PAPLN: variants seen among roughly 807,000 people sequenced by gnomAD.
PAPLN encodes papilin.
In PAPLN, 146 loss-of-function variants were observed where a neutral mutation model predicts 159.0. The observed-to-expected ratio is 0.92, with a 90% CI of 0.80 to 1.05. The LOEUF (loss-of-function observed/expected upper bound fraction) is 1.05. Ranked by LOEUF, PAPLN falls within the 50% of genes least tolerant of loss-of-function variation. The pLI, the probability that PAPLN is intolerant of heterozygous loss-of-function variation, is 0.00. For missense variants in PAPLN, 1,720 were observed against 1,743.9 expected, an observed-to-expected ratio of 0.99 and a Z score of 0.24; for synonymous variants, 734 against 702.9, an observed-to-expected ratio of 1.04 and a Z score of -0.70.
chr14:73,270,854 G>A (rs1238844586), intron 26 of PAPLN, among the ~76,000 whole-genome samples: 1 of 152,098 alleles, frequency 6.6e-6, no homozygotes, highest in Non-Finnish European at 1.5e-5. Flanking sequence ...TTCATTTTTT[G>A]TTGGGTCATA....
At position 73,254,598 on chromosome 14, in the gene PAPLN, G is replaced by C; in HGVS notation, c.1388G>C (p.Cys463Ser). 1 of 1,614,078 alleles carries C rather than the reference G, an allele frequency of 6.2e-7. No homozygotes were observed. The highest frequency in any genetic ancestry group is 8.5e-7 in the Non-Finnish European group (1 of 1,179,936). Residue 463 changes from cysteine (C) to serine (S), a missense_variant, in exon 13 of 27, where the codon TGC (cysteine) becomes TCC (serine). Transcript: ENST00000644200. ...ERGSLLHTAACSLEDRPPLTE... is the reference protein window; with the variant it reads ...ERGSLLHTAASSLEDRPPLTE... Reference sequence around the variant, plus strand: ...GGTTCTTTGCTCCATACCGCAGCGTGCTCCTTGGAAGACCGGCCACCTCTG... The same window carrying C: ...GGTTCTTTGCTCCATACCGCAGCGTCCTCCTTGGAAGACCGGCCACCTCTG...
intron 18 of PAPLN, 63 bp downstream of exon 18, chr14:73,261,357 C>CA: frequency 6.4e-7 from 1 of 1,568,816 alleles, no homozygotes; most frequent in African/African-American, 1.4e-5. Flanking sequence ...ATGCCTCCAG[C>CA]CCCCACCCAG....
chr14:73,249,807 GC>G, intron 5 of PAPLN, 176 bp from the exon 6 acceptor site: 1 of 522,638 alleles, frequency 1.9e-6, no homozygotes, highest in Non-Finnish European at 3.0e-6. Flanking sequence ...CCTTAGAGGT[GC>G]AACAGATTCA....
chr14:73,250,359 C>T (rs538691630), intron 6 of PAPLN, among the ~76,000 whole-genome samples: 5 of 152,304 alleles, frequency 3.3e-5, no homozygotes, highest in East Asian at 3.9e-4. Context: ...GGCAGAAATC[C>T]GGCTAAAACC....
At chr14:73,237,027 G>A (rs1417846785), upstream of PAPLN, among the ~76,000 whole-genome samples, 1 of 151,426 alleles carries the variant, frequency 6.6e-6, no homozygotes, top group Non-Finnish European at 1.5e-5. Flanking sequence ...CCAAGGTTTT[G>A]AGGGCTGACT....
In PAPLN at chr14:73,266,766, A is replaced by G; in HGVS notation, c.3435A>G (p.Pro1145=). The stretch of plus-strand genomic sequence containing the variant: ...GACTGCCCCCTACTGTGACAGTGCC[A>G]GAGGGTGATACGGCCAGGCTATTGT... ...ISGLPPTVTV[P]EGDTARLLCV... The change falls in exon 25 of 27, where the codon CCA becomes CCG. Residue 1145 remains proline, a synonymous_variant. Transcript: ENST00000644200. 6.2e-7 allele frequency: 1 copy of G among 1,614,014 alleles called. No homozygotes were observed. Among genetic ancestry groups the G allele is most frequent in the Non-Finnish European group, 8.5e-7 (1 of 1,179,948 alleles).
Position 73,254,831 on chromosome 14 carries a change from C to G in PAPLN, c.1486-46C>G, listed in dbSNP as rs1391741028. ...CTCTCTCCATGTGGGTCCCCGCCCCCAGCCTCGCCCTCAGCATCTCTCTCT... is the reference window on the plus strand; with the variant it reads ...CTCTCTCCATGTGGGTCCCCGCCCCGAGCCTCGCCCTCAGCATCTCTCTCT... On this transcript the variant is annotated intron_variant, in intron 13 of 26. Transcript: ENST00000644200. The G allele has an allele frequency of 4.4e-6, 7 of 1,603,952 alleles. No homozygotes were observed. The East Asian group carries it at 1.1e-4, about 26-fold the overall frequency.
At chr14:73,248,297 G>A (rs1338398657) in intron 5 of PAPLN, among the ~76,000 whole-genome samples, 1 of 151,084 alleles carries the variant, frequency 6.6e-6, no homozygotes, top group Non-Finnish European at 1.5e-5. Context: ...GGCTGTGGGC[G>A]TGACCCAGTG....
At chr14:73,271,870 CTT>C (rs1324228685) in intron 26 of PAPLN, among the ~76,000 whole-genome samples, 3 of 37,084 alleles carry the variant, frequency 8.1e-5, no homozygotes, top group South Asian at 7.5e-4. Context: ...AAAACAAGGG[CTT>C]TGCTTTGTTC....
At chr14:73,264,772 A>T (rs1566706276) in intron 22 of PAPLN, 46 bp downstream of exon 22, 11 of 1,608,296 alleles carry the variant, frequency 6.8e-6, no homozygotes, top group African/African-American at 1.3e-5. Context: ...CGCCAGGGCC[A>T]GGGCCGGGGG....
rs777699460 is a variant in PAPLN at position 73,274,050 on chromosome 14, A to T, written c.*1386A>T. ...CAGCCTGCTCTGTACAGTGACAATGAGGAGCCCCTCTCTTCCTTAAGTAGG... is the reference window on the plus strand; with the variant it reads ...CAGCCTGCTCTGTACAGTGACAATGTGGAGCCCCTCTCTTCCTTAAGTAGG... On this transcript the variant is annotated 3_prime_UTR_variant, in exon 27 of 27. Transcript: ENST00000644200. The T allele has an allele frequency of 1.3e-5, 2 of 152,250 alleles. No homozygotes were observed. The highest frequency in any genetic ancestry group is 2.9e-5 in the Non-Finnish European group (2 of 68,052). The allele number at this position is 152,250 out of a possible 1,614,324, so 9.4% of individuals were successfully genotyped here. A position where few individuals can be genotyped will look rare whatever the true frequency, so the allele number is the denominator to read the frequency against.
Position 73,268,563 on chromosome 14 carries a change from G to A in PAPLN, c.3507G>A (p.Gly1169=). The A allele has an allele frequency of 3.1e-6, 5 of 1,611,812 alleles. No individual in the cohort carries two copies. The South Asian group carries it at 4.4e-5, about 14-fold the overall frequency. The part of the protein sequence containing the change: ...ESVNIRWSRN[G]LPVQADGHRV... ...AGTGTCCTCTCTCCTCCAGGAACGG[G>A]CTACCTGTGCAGGCTGATGGCCACC... is the stretch of plus-strand genomic sequence containing the variant. Residue 1169 remains glycine, a synonymous_variant, in exon 26 of 27, where the codon GGG becomes GGA. Transcript: ENST00000644200.
chr14:73,244,189 TCA>T (rs1365762466), intron 2 of PAPLN: 3 of 156,570 alleles, frequency 1.9e-5, no homozygotes, highest in Admixed American at 1.8e-4. Context: ...AAGCATTCTC[TCA>T]CAATGGGAGA....
At chr14:73,251,358 C>G (rs554682023) in intron 7 of PAPLN, 128 bp from the exon 8 acceptor site, 8 of 1,063,026 alleles carry the variant, frequency 7.5e-6, no homozygotes, top group Non-Finnish European at 1.1e-5. Context: ...CCCAGCAGCT[C>G]GGCCCTGTCT....
chr14:73,245,599 G>A lies in PAPLN; in HGVS notation c.171-37G>A, dbSNP rs1470203158. ...CCCAGAACGGGGGCAGGGACGTTGG[G>A]TCTCGGTCAGGTCTTCCCGGTGCTC... On this transcript the variant is annotated intron_variant, in intron 3 of 26. Transcript: ENST00000644200. The surrounding 1 kb of genome is among the most constrained non-coding windows in gnomAD (Gnocchi z 4.2). The A allele has an allele frequency of 6.5e-7, 1 of 1,547,108 alleles. No homozygotes were observed. Among genetic ancestry groups the A allele is most frequent in the Non-Finnish European group, 8.7e-7 (1 of 1,146,118 alleles).
chr14:73,268,203 G>T (rs1444637169), intron 25 of PAPLN, among the ~76,000 whole-genome samples: 1 of 152,006 alleles, frequency 6.6e-6, no homozygotes, highest in East Asian at 1.9e-4. Context: ...TCATAGACAT[G>T]CACTTCGCTG....
intron 14 of PAPLN, 56 bp from the exon 15 acceptor site, chr14:73,258,923 G>C (rs1886234580): frequency 6.6e-7 from 1 of 1,512,990 alleles, no homozygotes; most frequent in African/African-American, 1.4e-5. Context: ...CCACAGCTCA[G>C]GTCCATCCTC....
In PAPLN at chr14:73,266,573, T is replaced by C; in HGVS notation, c.3336T>C (p.Cys1112=). The change falls in exon 24 of 27, where the codon TGT becomes TGC. Residue 1112 remains cysteine, a synonymous_variant. Transcript: ENST00000644200. ...TAGAAGATGGCGGCTTCTACACCTG[T>C]GTCGCTTTCAATGGGCAGGACCGAG... The part of the protein sequence containing the change: ...VAVEDGGFYT[C]VAFNGQDRDQ... 1 of 1,614,140 alleles carries C rather than the reference T, an allele frequency of 6.2e-7. No homozygotes were observed. Among genetic ancestry groups the C allele is most frequent in the Non-Finnish European group, 8.5e-7 (1 of 1,180,036 alleles).
chr14:73,253,292 C>T (rs1450882519), intron 11 of PAPLN: 20 of 1,309,554 alleles, frequency 1.5e-5, no homozygotes, highest in Non-Finnish European at 1.8e-5. Context: ...GCCTTGGTGG[C>T]AGCGGGCCTC....
Sources: gnomAD v4.1 joint callset for allele counts (sites outside exome capture counted in the v4.1 genomes callset) on GRCh38, gnomAD v4.1.1 for gene constraint, Gnocchi (gnomAD v3.1) non-coding constraint, MANE v1.5 for transcripts, NCBI Gene and HGNC (gene_info 2026-07-23, HGNC 2026-07-21) for gene names.